MBOAT2: variants seen among roughly 807,000 people sequenced by gnomAD.
MBOAT2 encodes the protein membrane-bound glycerophospholipid O-acyltransferase 2.
MBOAT2 carries 28 observed loss-of-function variants against 63.4 expected under a neutral mutation model. That is an observed-to-expected ratio of 0.44 (90% CI 0.33 to 0.61). The LOEUF (loss-of-function observed/expected upper bound fraction) is 0.61, where lower values mean the gene tolerates loss of function less well. MBOAT2 is among the 20% of genes least tolerant of loss of function. The pLI is 0.03. For synonymous variants in MBOAT2, 211 were observed against 215.6 expected, an observed-to-expected ratio of 0.98 and a Z score of 0.19; for missense variants, 470 against 605.8, an observed-to-expected ratio of 0.78 and a Z score of 2.35.
chr2:8,863,942 GGCAGGATAGCTGCACCT>G (rs1199036638), intron 10 of MBOAT2, among the ~76,000 whole-genome samples: 9 of 152,150 alleles, frequency 5.9e-5, no homozygotes, highest in Non-Finnish European at 1.3e-4. Flanking sequence ...GGCTTGAGAG[GGCAGGATAGCTGCACCT>G]GCAGGATAGC....
chr2:8,984,654 T>G (rs892059905), intron 1 of MBOAT2, among the ~76,000 whole-genome samples: 1 of 151,688 alleles, frequency 6.6e-6, no homozygotes, highest in Admixed American at 6.6e-5. Context: ...TAAAAATAAA[T>G]AAAGAACTAG....
chr2:8,910,314 A>G (rs62104423), intron 3 of MBOAT2, among the ~76,000 whole-genome samples: 16,688 of 152,102 alleles, frequency 0.11, 1,122 homozygotes, highest in African/African-American at 0.19. Flanking sequence ...AGAGAGGAGC[A>G]GCGTGGAGAT....
At chr2:9,002,822 T>C (rs1672797192) in intron 1 of MBOAT2, among the ~76,000 whole-genome samples, 1 of 152,206 alleles carries the variant, frequency 6.6e-6, no homozygotes, top group Non-Finnish European at 1.5e-5. Flanking sequence ...AGAGCTTTTC[T>C]GAGGGCTGGG....
At position 9,003,336 on chromosome 2, in the gene MBOAT2, CG is replaced by C. The variant is rs1317718225; in HGVS notation, c.75+203del. Among the ~76,000 whole-genome samples the C allele has an allele frequency of 6.6e-6, 1 of 152,004 alleles. No individual in the cohort carries two copies. Among genetic ancestry groups the C allele is most frequent in the Non-Finnish European group, 1.5e-5 (1 of 67,948 alleles). ...CACCTCCCGCTCGGCCCGGGGATGG[CG>C]GGCTGGGGGCGCACCCAGGAGGGAG... is the stretch of plus-strand genomic sequence containing the variant. On this transcript the variant is annotated intron_variant, in intron 1 of 12. Transcript: ENST00000305997. The surrounding 1 kb of genome is among the most constrained non-coding windows in gnomAD (Gnocchi z 5.4).
intron 1 of MBOAT2, among the ~76,000 whole-genome samples, chr2:8,963,206 C>A (rs1669737837): frequency 6.6e-6 from 1 of 151,328 alleles, no homozygotes; most frequent in Non-Finnish European, 1.5e-5. Flanking sequence ...CCACTGCATT[C>A]CAGCCTAGGC....
At chr2:8,970,748 A>G (rs1670388311) in intron 1 of MBOAT2, among the ~76,000 whole-genome samples, 1 of 152,232 alleles carries the variant, frequency 6.6e-6, no homozygotes, top group Non-Finnish European at 1.5e-5. Context: ...AAACACCTCT[A>G]CACAAATAAA....
At chr2:8,886,226 C>T (rs1314124616) in intron 5 of MBOAT2, among the ~76,000 whole-genome samples, 1 of 152,226 alleles carries the variant, frequency 6.6e-6, no homozygotes, top group Admixed American at 6.5e-5. Context: ...GAAATAAGTC[C>T]GTTCTCTGTG....
Position 8,862,424 on chromosome 2 carries a change from T to C in MBOAT2, c.1185+166A>G. On this transcript the variant is annotated intron_variant, in intron 11 of 12. Coordinates refer to ENST00000305997, the MANE Select transcript of MBOAT2 (RefSeq NM_138799.4). This position sits in a 1 kb window ranked among gnomAD's most constrained non-coding sequence, Gnocchi z 4.3. ...ACTGGGCATGGAGCCTAGCCCGTGG[T>C]GAGCGCTCAGCAAACATGCACGCAG... 1 of 1,323,468 alleles carries C rather than the reference T, an allele frequency of 7.6e-7. No individual in the cohort carries two copies. Among genetic ancestry groups the C allele is most frequent in the East Asian group, 2.5e-5 (1 of 39,976 alleles). The allele number at this position is 1,323,468 out of a possible 1,614,324, so 82.0% of individuals were successfully genotyped here.
At chr2:8,996,148 C>G (rs1672286769) in intron 1 of MBOAT2, among the ~76,000 whole-genome samples, 1 of 152,164 alleles carries the variant, frequency 6.6e-6, no homozygotes, top group Non-Finnish European at 1.5e-5. Flanking sequence ...CAGCTGGAAG[C>G]TGTTAAGAGT....
intron 10 of MBOAT2, among the ~76,000 whole-genome samples, chr2:8,863,111 G>A (rs1661605105): frequency 6.6e-6 from 1 of 152,100 alleles, no homozygotes; most frequent in Admixed American, 6.5e-5. Flanking sequence ...CCGGCAGATA[G>A]ACTGTGCTTA....
At chr2:8,909,801 C>T (rs182323451) in intron 3 of MBOAT2, among the ~76,000 whole-genome samples, 6 of 152,312 alleles carry the variant, frequency 3.9e-5, no homozygotes, top group Non-Finnish European at 7.3e-5. Flanking sequence ...GATACCCATA[C>T]ACAAAGCATT....
intron 4 of MBOAT2, 49 bp from the exon 5 acceptor site, chr2:8,888,122 C>A (rs763029413): frequency 4.0e-6 from 6 of 1,517,496 alleles, no homozygotes; most frequent in Non-Finnish European, 5.5e-6. Flanking sequence ...AAAGTTAAAA[C>A]AATACTTATG....
chr2:8,957,241 A>G (rs759684018), intron 2 of MBOAT2, among the ~76,000 whole-genome samples: 21 of 152,198 alleles, frequency 1.4e-4, no homozygotes, highest in Non-Finnish European at 2.8e-4. Flanking sequence ...AAAAGTTTGA[A>G]AAATATACAC....
intron 12 of MBOAT2, among the ~76,000 whole-genome samples, chr2:8,860,031 A>C (rs1052604058): frequency 1.5e-4 from 23 of 152,130 alleles, no homozygotes; most frequent in African/African-American, 4.8e-4. Flanking sequence ...TAAAAAAAAA[A>C]ACAAAAATTA....
intron 2 of MBOAT2, among the ~76,000 whole-genome samples, chr2:8,946,840 C>T (rs1219908198): frequency 6.6e-6 from 1 of 152,206 alleles, no homozygotes; most frequent in African/African-American, 2.4e-5. Context: ...TCTCCTGAGG[C>T]TTCCCCATTC....
intron 3 of MBOAT2, among the ~76,000 whole-genome samples, chr2:8,920,391 T>C (rs2148607886): frequency 6.6e-6 from 1 of 152,364 alleles, no homozygotes; most frequent in Non-Finnish European, 1.5e-5. Context: ...CAATGATTTA[T>C]ATGTCTATCC....
chr2:8,919,636 T>G (rs1171970131), intron 3 of MBOAT2, among the ~76,000 whole-genome samples: 2 of 152,180 alleles, frequency 1.3e-5, no homozygotes, highest in Non-Finnish European at 1.5e-5. Context: ...ATCAGACACA[T>G]GTTTTGCAAG....
intron 1 of MBOAT2, among the ~76,000 whole-genome samples, chr2:8,969,155 A>G (rs992560475): frequency 1.3e-5 from 2 of 152,186 alleles, no homozygotes; most frequent in Non-Finnish European, 2.9e-5. Context: ...GAAGCCCATC[A>G]GACTAACAGC....
chr2:8,945,718 T>C (rs1438399605), intron 2 of MBOAT2, among the ~76,000 whole-genome samples: 1 of 152,198 alleles, frequency 6.6e-6, no homozygotes, highest in East Asian at 1.9e-4. Context: ...TAAAAAGTGC[T>C]TTGAAAATGA....
Sources: gnomAD v4.1 joint callset for allele counts (sites outside exome capture counted in the v4.1 genomes callset) on GRCh38, gnomAD v4.1.1 for gene constraint, Gnocchi (gnomAD v3.1) non-coding constraint, MANE v1.5 for transcripts, NCBI Gene and HGNC (gene_info 2026-07-23, HGNC 2026-07-21) for gene names.